GAS7: variants seen among roughly 807,000 people sequenced by gnomAD.
GAS7 encodes growth arrest-specific protein 7.
Under a neutral mutation model 71.1 loss-of-function variants are expected in GAS7, and 28 were observed. That is an observed-to-expected ratio of 0.39 (90% CI 0.29 to 0.54). GAS7 has a LOEUF of 0.54. Ranked by LOEUF, GAS7 falls within the 20% of genes least tolerant of loss-of-function variation. The probability of loss-of-function intolerance (pLI) is 0.62; values close to 1 mark genes in which losing one functional copy is unlikely to be tolerated. For synonymous variants in GAS7, 258 were observed against 245.8 expected, an observed-to-expected ratio of 1.05 and a Z score of -0.46; for missense variants, 436 against 627.8, an observed-to-expected ratio of 0.69 and a Z score of 3.27.
In GAS7 at chr17:9,959,230, T is replaced by C; in HGVS notation, c.497A>G (p.Lys166Arg). The change falls in exon 5 of 14, where the codon AAA becomes AGA. Residue 166 changes from lysine (K) to arginine (R), a missense_variant. Coordinates refer to ENST00000432992, the MANE Select transcript of GAS7 (RefSeq NM_201433.2). The surrounding 1 kb of genome is among the most constrained non-coding windows in gnomAD (Gnocchi z 5.0). Reference protein sequence around the residue: ...SQNLGSSSPSKKQSKENTITI... With the variant: ...SQNLGSSSPSRKQSKENTITI... Reference sequence around the variant, plus strand: ...GATGGTGTTTTCCTTGCTCTGCTTTTTGCTTGGCGATGAGGATCCCAGGTT... The same window carrying C: ...GATGGTGTTTTCCTTGCTCTGCTTTCTGCTTGGCGATGAGGATCCCAGGTT... 6.2e-7 allele frequency: 1 copy of C among 1,614,216 alleles called. No homozygotes were observed. Among genetic ancestry groups the C allele is most frequent in the South Asian group, 1.1e-5 (1 of 91,080 alleles).
chr17:9,930,067 T>C (rs1385627401), intron 9 of GAS7, among the ~76,000 whole-genome samples: 1 of 152,220 alleles, frequency 6.6e-6, no homozygotes, highest in Admixed American at 6.5e-5. Flanking sequence ...TCAGACGGTG[T>C]GCGGCCGAGA....
At chr17:9,940,410 TCTC>T (rs1471127507) in intron 7 of GAS7, among the ~76,000 whole-genome samples, 1 of 152,286 alleles carries the variant, frequency 6.6e-6, no homozygotes, top group Non-Finnish European at 1.5e-5. Flanking sequence ...TGGACCTCCA[TCTC>T]CTCATCTGCA....
chr17:9,929,022 T>G (rs531795731), intron 9 of GAS7, among the ~76,000 whole-genome samples: 2 of 152,318 alleles, frequency 1.3e-5, no homozygotes, highest in East Asian at 1.9e-4. Context: ...GAACCTTCCC[T>G]GTATAGGAAA....
chr17:10,031,616 C>T (rs528466739), intron 1 of GAS7, among the ~76,000 whole-genome samples: 142 of 152,298 alleles, frequency 9.3e-4, no homozygotes, highest in African/African-American at 3.2e-3. Flanking sequence ...CATGACCCTT[C>T]CTCCTCTGAC....
chr17:10,182,372 C>A (rs2074423142), intron 1 of GAS7, among the ~76,000 whole-genome samples: 1 of 152,154 alleles, frequency 6.6e-6, no homozygotes, highest in Admixed American at 6.5e-5. Context: ...GTTGGCCAGG[C>A]TGATCTTGAA....
chr17:9,976,237 T>A (rs2070197531), intron 3 of GAS7, among the ~76,000 whole-genome samples: 2 of 152,230 alleles, frequency 1.3e-5, no homozygotes, highest in African/African-American at 4.8e-5. Flanking sequence ...TTCCAGGACA[T>A]CAGAGGTTAA....
chr17:10,132,583 G>A (rs2074005407), intron 1 of GAS7, among the ~76,000 whole-genome samples: 1 of 152,088 alleles, frequency 6.6e-6, no homozygotes, highest in African/African-American at 2.4e-5. Flanking sequence ...CTGGCCAACA[G>A]GGCGAAACCC....
intron 1 of GAS7, among the ~76,000 whole-genome samples, chr17:10,020,462 C>T (rs1177852083): frequency 3.3e-5 from 5 of 152,178 alleles, no homozygotes; most frequent in African/African-American, 9.7e-5. Context: ...AACGAGGACT[C>T]GGAGACAGAG....
chr17:10,132,180 G>A (rs1186642724), intron 1 of GAS7, among the ~76,000 whole-genome samples: 1 of 152,210 alleles, frequency 6.6e-6, no homozygotes, highest in Non-Finnish European at 1.5e-5. Flanking sequence ...GTATGGATAC[G>A]TGCTCACGTA....
At position 10,169,449 on chromosome 17, in the gene GAS7, A is replaced by G. The variant is rs145021541; in HGVS notation, c.183+28759T>C. On this transcript the variant is annotated intron_variant, in intron 1 of 13. Coordinates refer to ENST00000432992, the MANE Select transcript of GAS7 (RefSeq NM_201433.2). ...CAGTTTATGCTGTTTGTAATGAAACAGATGCTAACAACACCAGGAAGGGTG... is the reference window on the plus strand; with the variant it reads ...CAGTTTATGCTGTTTGTAATGAAACGGATGCTAACAACACCAGGAAGGGTG... Among the ~76,000 whole-genome samples the G allele has an allele frequency of 1.4e-3, 211 of 152,310 alleles. 1 individual carries two copies. The highest frequency in any genetic ancestry group is 3.4e-3 in the Middle Eastern group (1 of 294).
chr17:10,049,243 G>T (rs958132781), intron 1 of GAS7, among the ~76,000 whole-genome samples: 1 of 152,158 alleles, frequency 6.6e-6, no homozygotes, highest in African/African-American at 2.4e-5. Context: ...TTTATTTTCT[G>T]CATGTTAAAA....
At chr17:10,186,055 C>T (rs1220660013) in intron 1 of GAS7, among the ~76,000 whole-genome samples, 1 of 150,620 alleles carries the variant, frequency 6.6e-6, no homozygotes, top group Non-Finnish European at 1.5e-5. Context: ...TCCTGGTTCA[C>T]GCCATTCTCC....
intron 1 of GAS7, among the ~76,000 whole-genome samples, chr17:10,168,066 A>G (rs973520644): frequency 2.6e-5 from 4 of 152,174 alleles, no homozygotes; most frequent in African/African-American, 7.2e-5. Context: ...CCCACCTCTC[A>G]GCTTCCAAGC....
intron 11 of GAS7, among the ~76,000 whole-genome samples, chr17:9,920,463 A>T (rs2067765506): frequency 6.6e-6 from 1 of 152,234 alleles, no homozygotes; most frequent in Non-Finnish European, 1.5e-5. Context: ...AACATTTTGT[A>T]ATTAGAAAGA....
intron 11 of GAS7, among the ~76,000 whole-genome samples, chr17:9,920,548 C>G (rs2067769022): frequency 6.6e-6 from 1 of 152,268 alleles, no homozygotes; most frequent in African/African-American, 2.4e-5. Context: ...AAATCACAGT[C>G]TGTGGGCCAG....
intron 4 of GAS7, among the ~76,000 whole-genome samples, chr17:9,960,509 T>C (rs1449253550): frequency 1.3e-5 from 2 of 152,100 alleles, no homozygotes; most frequent in African/African-American, 2.4e-5. Context: ...TCTTCCTTGG[T>C]AGAATGTAAG....
At chr17:10,099,319 T>C (rs750791696) in intron 1 of GAS7, among the ~76,000 whole-genome samples, 16 of 152,140 alleles carry the variant, frequency 1.1e-4, no homozygotes, top group Non-Finnish European at 2.4e-4. Context: ...AGGTTCCACA[T>C]GGCCCTGTGA....
At position 10,150,403 on chromosome 17, in the gene GAS7, C is replaced by T. The variant is rs75804467; in HGVS notation, c.183+47805G>A. The stretch of plus-strand genomic sequence containing the variant: ...TTTTCTTCTCTTTCTTTCTTTCTCT[C>T]AACTGGTTAAGTACACACACACACA... On this transcript the variant is annotated intron_variant, in intron 1 of 13. Transcript: ENST00000432992. Among the ~76,000 whole-genome samples the T allele has an allele frequency of 1.6e-4, 23 of 143,390 alleles. 1 individual carries two copies. The highest frequency in any genetic ancestry group is 6.7e-4 in the South Asian group (3 of 4,454). 94.1% of individuals were successfully genotyped at this position (143,390 alleles called of 152,430 possible).
At chr17:10,033,778 G>A (rs186644764) in intron 1 of GAS7, among the ~76,000 whole-genome samples, 34 of 152,354 alleles carry the variant, frequency 2.2e-4, no homozygotes, top group Middle Eastern at 3.4e-3. Flanking sequence ...GTTGCTGGCT[G>A]GAGTGGCCTG....
Sources: allele counts gnomAD v4.1 joint callset (sites outside exome capture counted in the v4.1 genomes callset), GRCh38; gene constraint gnomAD v4.1.1; non-coding constraint Gnocchi (gnomAD v3.1); transcripts MANE v1.5; gene names NCBI Gene and HGNC (gene_info 2026-07-23, HGNC 2026-07-21).